GMDS: variants seen among roughly 807,000 people sequenced by gnomAD.
The protein encoded by GMDS is GDP-mannose 4,6 dehydratase.
Under a neutral mutation model 49.9 loss-of-function variants are expected in GMDS, and 20 were observed. The observed-to-expected ratio is 0.40, with a 90% CI of 0.28 to 0.58. GMDS has a LOEUF of 0.58. Ranked by LOEUF, GMDS falls within the 20% of genes least tolerant of loss-of-function variation. The pLI, the probability that GMDS is intolerant of heterozygous loss-of-function variation, is 0.42. For synonymous variants in GMDS, 177 were observed against 178.6 expected (o/e 0.99, Z 0.07); for missense variants, 362 against 481.4 (o/e 0.75, Z 2.32).
intron 7 of GMDS, among the ~76,000 whole-genome samples, chr6:1,775,120 C>T (rs1259730671): frequency 2.6e-5 from 4 of 152,082 alleles, no homozygotes; most frequent in African/African-American, 9.7e-5. Context: ...TCAGAAATAC[C>T]AAGCCTTCTA....
At chr6:2,241,936 G>GTT (rs1781633161) in intron 1 of GMDS, among the ~76,000 whole-genome samples, 2 of 152,202 alleles carry the variant, frequency 1.3e-5, no homozygotes, top group South Asian at 4.1e-4. Flanking sequence ...GTGAAGATGT[G>GTT]TTCTGCTAAT....
At chr6:1,871,305 C>T (rs1418696700) in intron 7 of GMDS, among the ~76,000 whole-genome samples, 1 of 152,060 alleles carries the variant, frequency 6.6e-6, no homozygotes, top group Non-Finnish European at 1.5e-5. Context: ...ATATTAAAAA[C>T]CTACGTAAAT....
chr6:2,036,859 GGCGTA>G (rs1261532042), intron 4 of GMDS, among the ~76,000 whole-genome samples: 1 of 152,114 alleles, frequency 6.6e-6, no homozygotes, highest in Non-Finnish European at 1.5e-5. Flanking sequence ...AAATTAACGT[GGCGTA>G]GCTCACCTTA....
intron 9 of GMDS, among the ~76,000 whole-genome samples, chr6:1,684,669 A>T (rs1174767530): frequency 6.6e-6 from 1 of 152,176 alleles, no homozygotes; most frequent in Non-Finnish European, 1.5e-5. Context: ...TGGGGGCAGG[A>T]CTGACTACAA....
chr6:1,818,729 T>TAC (rs2113697853), intron 7 of GMDS, among the ~76,000 whole-genome samples: 1 of 151,944 alleles, frequency 6.6e-6, no homozygotes, highest in South Asian at 2.1e-4. Flanking sequence ...CATATATATA[T>TAC]ACATATATAC....
chr6:2,074,117 A>G (rs1772176309), intron 4 of GMDS, among the ~76,000 whole-genome samples: 1 of 152,198 alleles, frequency 6.6e-6, no homozygotes, highest in South Asian at 2.1e-4. Context: ...TGGTTGTATT[A>G]ATTCACCTTC....
chr6:1,776,455 A>G (rs1768837668), intron 7 of GMDS, among the ~76,000 whole-genome samples: 1 of 151,620 alleles, frequency 6.6e-6, no homozygotes. Flanking sequence ...TGGGGGGCCG[A>G]GGCATGGAGA....
intron 7 of GMDS, among the ~76,000 whole-genome samples, chr6:1,902,079 C>A (rs1760529589): frequency 6.6e-6 from 1 of 152,184 alleles, no homozygotes; most frequent in Non-Finnish European, 1.5e-5. Context: ...TGCCATTTAC[C>A]AAATGCCAAC....
intron 7 of GMDS, among the ~76,000 whole-genome samples, chr6:1,743,908 G>C (rs984976722): frequency 6.6e-6 from 1 of 152,038 alleles, no homozygotes; most frequent in African/African-American, 2.4e-5. Context: ...GGTAAAAACA[G>C]TAAGGACTTA....
At chr6:1,915,691 C>T (rs564211479) in intron 7 of GMDS, among the ~76,000 whole-genome samples, 8 of 152,348 alleles carry the variant, frequency 5.3e-5, no homozygotes, top group Non-Finnish European at 1.0e-4. Context: ...GCCGAATGAA[C>T]GCGCCTGATC....
intron 4 of GMDS, among the ~76,000 whole-genome samples, chr6:2,089,789 G>A (rs1048882246): frequency 1.1e-4 from 16 of 152,170 alleles, no homozygotes; most frequent in South Asian, 4.1e-4. Context: ...CAAGCAGTAC[G>A]TCTTTGGATT....
chr6:2,112,394 T>G (rs2127496552), intron 4 of GMDS, among the ~76,000 whole-genome samples: 1 of 152,254 alleles, frequency 6.6e-6, no homozygotes, highest in East Asian at 1.9e-4. Context: ...AAGGAACATA[T>G]TCTATTTGGA....
chr6:1,952,746 G>C (rs1763416940), intron 6 of GMDS, among the ~76,000 whole-genome samples: 1 of 152,052 alleles, frequency 6.6e-6, no homozygotes, highest in Non-Finnish European at 1.5e-5. Flanking sequence ...TGGAAAGGAA[G>C]AGAAAAGAAG....
chr6:2,161,155 G>A (rs1220600048), intron 1 of GMDS, among the ~76,000 whole-genome samples: 3 of 151,846 alleles, frequency 2.0e-5, no homozygotes, highest in Non-Finnish European at 4.4e-5. Flanking sequence ...GGGACTACGG[G>A]CACACCATCA....
intron 7 of GMDS, among the ~76,000 whole-genome samples, chr6:1,754,539 A>G (rs904165756): frequency 6.6e-5 from 10 of 152,218 alleles, no homozygotes; most frequent in Non-Finnish European, 1.5e-5. Context: ...TGAGGCCAGC[A>G]TCATCCTGAT....
At chr6:1,946,208 A>T (rs1264371148) in intron 6 of GMDS, among the ~76,000 whole-genome samples, 1 of 152,222 alleles carries the variant, frequency 6.6e-6, no homozygotes, top group Non-Finnish European at 1.5e-5. Context: ...AAAGGCAGCT[A>T]ATGTAACTGG....
chr6:2,236,002 G>T (rs1294275991), intron 1 of GMDS, among the ~76,000 whole-genome samples: 2 of 152,114 alleles, frequency 1.3e-5, no homozygotes. Context: ...TCCTGTACAG[G>T]ACATCTGTAG....
intron 7 of GMDS, among the ~76,000 whole-genome samples, chr6:1,770,780 GATCACTTA>G (rs1768549333): frequency 6.6e-6 from 1 of 152,200 alleles, no homozygotes; most frequent in African/African-American, 2.4e-5. Flanking sequence ...GAGGATAGAA[GATCACTTA>G]ATCAGGAGTC....
At chr6:1,632,579 C>T (rs1324739970) in intron 9 of GMDS, among the ~76,000 whole-genome samples, 2 of 152,182 alleles carry the variant, frequency 1.3e-5, no homozygotes, top group African/African-American at 4.8e-5. Context: ...TAGATTTTAT[C>T]TCAACACAAA....
Sources: allele counts gnomAD v4.1 joint callset (sites outside exome capture counted in the v4.1 genomes callset), GRCh38; gene constraint gnomAD v4.1.1; transcripts MANE v1.5; gene names NCBI Gene and HGNC (gene_info 2026-07-23, HGNC 2026-07-21).